Variants in NFYA observed in about 807,000 individuals in gnomAD.
NFYA encodes CAAT-box DNA binding protein subunit A.
NFYA carries 28 observed loss-of-function variants against 52.8 expected under a neutral mutation model. The observed-to-expected ratio is 0.53, with a 90% CI of 0.39 to 0.73. NFYA has a LOEUF of 0.73. NFYA is among the 30% of genes least tolerant of loss of function. The pLI, the probability that NFYA is intolerant of heterozygous loss-of-function variation, is 0.00. For missense variants in NFYA, 234 were observed against 427.0 expected, an observed-to-expected ratio of 0.55 and a Z score of 3.98; for synonymous variants, 150 against 150.7, an observed-to-expected ratio of 1.00 and a Z score of 0.03.
chr6:41,079,758 C>A (rs1763855695), intron 2 of NFYA, among the ~76,000 whole-genome samples: 1 of 152,104 alleles, frequency 6.6e-6, no homozygotes, highest in Admixed American at 6.6e-5. Context: ...TAAAATTTCA[C>A]TTTTTTCCCC....
Position 41,083,508 on chromosome 6 carries a change from C to T in NFYA, c.163-538C>T, listed in dbSNP as rs1582026689. On this transcript the variant is annotated intron_variant, in intron 3 of 9. Coordinates refer to ENST00000341376, the MANE Select transcript of NFYA (RefSeq NM_002505.5). ...GTATACATTTGACATTTCATTTTAG[C>T]TTGAGAGACTGTAGGGAAAAAAGGG... Among the ~76,000 whole-genome samples the T allele has an allele frequency of 2.0e-5, 3 of 152,250 alleles. No individual in the cohort carries two copies. The East Asian group carries it at 5.8e-4, about 29-fold the overall frequency.
intron 1 of NFYA, among the ~76,000 whole-genome samples, chr6:41,076,823 C>T (rs1222395198): frequency 6.6e-6 from 1 of 152,166 alleles, no homozygotes; most frequent in African/African-American, 2.4e-5. Flanking sequence ...AACTGAAGCT[C>T]ACAGTAGTAG....
At chr6:41,088,200 C>T (rs1172754876) in intron 4 of NFYA, among the ~76,000 whole-genome samples, 2 of 151,888 alleles carry the variant, frequency 1.3e-5, no homozygotes, top group Non-Finnish European at 2.9e-5. Flanking sequence ...GGGTGGATCA[C>T]AAGGTCAGGA....
chr6:41,074,665 G>C (rs934494178), intron 1 of NFYA, among the ~76,000 whole-genome samples: 2 of 152,218 alleles, frequency 1.3e-5, no homozygotes, highest in South Asian at 4.1e-4. Context: ...GATAGTTTAG[G>C]GGGGAAAGCC....
In NFYA at chr6:41,102,217, C is replaced by T. The variant is rs980911846; in HGVS notation, c.*4807C>T. Reference sequence around the variant, plus strand: ...TTAAAACAGGTACCAAAGGGTCATTCCTTTAGCATCATTCATCTTTGGTTT... The same window carrying T: ...TTAAAACAGGTACCAAAGGGTCATTTCTTTAGCATCATTCATCTTTGGTTT... On this transcript the variant is annotated 3_prime_UTR_variant, in exon 10 of 10. Transcript: ENST00000341376. The T allele has an allele frequency of 3.9e-5, 6 of 152,132 alleles. No individual in the cohort carries two copies. The allele number at this position is 152,132 out of a possible 1,614,324, so 9.4% of individuals were successfully genotyped here. A position where few individuals can be genotyped will look rare whatever the true frequency, so the allele number is the denominator to read the frequency against.
chr6:41,079,199 A>G lies in NFYA; in HGVS notation c.75+35A>G, dbSNP rs530925677. On this transcript the variant is annotated intron_variant, in intron 2 of 9. Coordinates refer to ENST00000341376, the MANE Select transcript of NFYA (RefSeq NM_002505.5). ...CAAAACTGCTTTAAACATTACAGCA[A>G]TGAAACTGATAACAGCACCACTCAA... 5.1e-6 allele frequency: 8 copies of G among 1,579,746 alleles called. No individual in the cohort carries two copies. In the South Asian group the frequency reaches 5.5e-5, roughly 11 times the overall value.
rs1260616513 is a variant in NFYA, at chr6:41,099,078, AG to A, written c.*1670del. On this transcript the variant is annotated 3_prime_UTR_variant, in exon 10 of 10. Transcript: ENST00000341376. Reference sequence around the variant, plus strand: ...GAGATGATTGTAATGATAGAAATAGAGGTACAGAGCTATGCAAAGGAAACAG... The same window carrying A: ...GAGATGATTGTAATGATAGAAATAGAGTACAGAGCTATGCAAAGGAAACAG... The A allele has an allele frequency of 5.3e-5, 8 of 152,234 alleles. No homozygotes were observed. Among genetic ancestry groups the A allele is most frequent in the African/African-American group, 1.9e-4 (8 of 41,448 alleles). The allele number at this position is 152,234 out of a possible 1,614,324, so 9.4% of individuals were successfully genotyped here.
intron 4 of NFYA, among the ~76,000 whole-genome samples, chr6:41,085,700 T>C (rs1764026492): frequency 6.6e-6 from 1 of 152,158 alleles, no homozygotes. Context: ...TTTTGTGTTT[T>C]TATGCATAAT....
At chr6:41,076,132 T>C (rs1027638326) in intron 1 of NFYA, among the ~76,000 whole-genome samples, 1 of 152,106 alleles carries the variant, frequency 6.6e-6, no homozygotes, top group African/African-American at 2.4e-5. Context: ...CTGCCAGGCA[T>C]GATGATGGCT....
At chr6:41,084,608 G>GTCTGCT (rs1763991730) in intron 4 of NFYA, among the ~76,000 whole-genome samples, 1 of 152,196 alleles carries the variant, frequency 6.6e-6, no homozygotes, top group African/African-American at 2.4e-5. Flanking sequence ...AATAAAACAG[G>GTCTGCT]TAAATCCAGT....
chr6:41,096,739 C>T (rs879650590), intron 9 of NFYA, among the ~76,000 whole-genome samples: 5 of 152,162 alleles, frequency 3.3e-5, no homozygotes, highest in Non-Finnish European at 7.3e-5. Context: ...CTTGTGTTAA[C>T]ACGGTAGGTC....
chr6:41,091,788 T>C, intron 7 of NFYA, 94 bp downstream of exon 7: 1 of 1,410,024 alleles, frequency 7.1e-7, no homozygotes, highest in Non-Finnish European at 9.7e-7. Context: ...CTCTTGGGAT[T>C]GAGATCGATC....
chr6:41,088,877 G>A (rs1764119102), intron 4 of NFYA, among the ~76,000 whole-genome samples: 1 of 152,018 alleles, frequency 6.6e-6, no homozygotes, highest in African/African-American at 2.4e-5. Flanking sequence ...CATTGTACCC[G>A]GCTTTCAGCA....
At chr6:41,089,507 G>GCTTTCTA in intron 4 of NFYA, 72 bp from the exon 5 acceptor site, 4 of 1,430,458 alleles carry the variant, frequency 2.8e-6, no homozygotes, top group Non-Finnish European at 3.7e-6. Flanking sequence ...AGAGAAATGT[G>GCTTTCTA]GATAACTCTC....
intron 5 of NFYA, among the ~76,000 whole-genome samples, chr6:41,089,985 C>A (rs554323766): frequency 2.6e-5 from 4 of 152,136 alleles, no homozygotes; most frequent in Admixed American, 6.5e-5. Context: ...GTGGCGCATG[C>A]CTGTAATCCC....
At position 41,098,714 on chromosome 6, in the gene NFYA, G is replaced by A. The variant is rs974853669; in HGVS notation, c.*1304G>A. On this transcript the variant is annotated 3_prime_UTR_variant, in exon 10 of 10. Transcript: ENST00000341376. Reference sequence around the variant, plus strand: ...CTGATTCTTTGGTGCCAGTTTTCATGTTTTCTCCATAGGCCTTGTGCAGAA... The same window carrying A: ...CTGATTCTTTGGTGCCAGTTTTCATATTTTCTCCATAGGCCTTGTGCAGAA... 6.6e-6 allele frequency: 1 copy of A among 152,608 alleles called. No individual in the cohort carries two copies. The highest frequency in any genetic ancestry group is 1.5e-5 in the Non-Finnish European group (1 of 68,066). 9.5% of individuals were successfully genotyped at this position (152,608 alleles called of 1,614,324 possible). A position where few individuals can be genotyped will look rare whatever the true frequency, so the allele number is the denominator to read the frequency against.
At chr6:41,074,232 C>A (rs1763662334) in intron 1 of NFYA, among the ~76,000 whole-genome samples, 1 of 152,168 alleles carries the variant, frequency 6.6e-6, no homozygotes, top group Admixed American at 6.5e-5. Flanking sequence ...AACGTTTTCT[C>A]AGCAGATGTT....
At chr6:41,083,841 G>C (rs1763972471) in intron 3 of NFYA, among the ~76,000 whole-genome samples, 1 of 152,204 alleles carries the variant, frequency 6.6e-6, no homozygotes, top group African/African-American at 2.4e-5. Flanking sequence ...CATTATGTCT[G>C]ACCTTAAAGT....
intron 1 of NFYA, among the ~76,000 whole-genome samples, chr6:41,076,634 G>T (rs1353410738): frequency 6.6e-6 from 1 of 152,230 alleles, no homozygotes; most frequent in African/African-American, 2.4e-5. Context: ...ACTAGGAAGA[G>T]AATTTTCATG....
Sources: gnomAD v4.1 joint callset for allele counts (sites outside exome capture counted in the v4.1 genomes callset) on GRCh38, gnomAD v4.1.1 for gene constraint, MANE v1.5 for transcripts, NCBI Gene and HGNC (gene_info 2026-07-23, HGNC 2026-07-21) for gene names.